SUMF1: variants seen among roughly 807,000 people sequenced by gnomAD.
SUMF1 encodes the protein formylglycine-generating enzyme.
A neutral mutation model predicts 47.6 loss-of-function variants in SUMF1; 48 were observed. That is an observed-to-expected ratio of 1.01 (90% CI 0.80 to 1.28). The LOEUF (loss-of-function observed/expected upper bound fraction) is 1.28, where lower values mean the gene tolerates loss of function less well. Ranked by LOEUF, SUMF1 falls within the 50% of genes most tolerant of loss-of-function variation. The pLI, the probability that SUMF1 is intolerant of heterozygous loss-of-function variation, is 0.00. For missense variants in SUMF1, 571 were observed against 485.4 expected (o/e 1.18, Z -1.66); for synonymous variants, 230 against 192.1 (o/e 1.20, Z -1.63).
intron 7 of SUMF1, among the ~76,000 whole-genome samples, chr3:4,378,103 A>G (rs1417394740): frequency 1.3e-5 from 2 of 152,216 alleles, no homozygotes; most frequent in Non-Finnish European, 2.9e-5. Flanking sequence ...ATCCATCATA[A>G]GTTGAAAATA....
intron 8 of SUMF1, among the ~76,000 whole-genome samples, chr3:4,325,150 T>A (rs894573335): frequency 3.3e-5 from 5 of 151,960 alleles, no homozygotes; most frequent in Admixed American, 2.0e-4. Context: ...CCATGACAAA[T>A]GGGAATTGTG....
intron 8 of SUMF1, among the ~76,000 whole-genome samples, chr3:4,304,650 CCATT>C (rs1201402928): frequency 6.6e-6 from 1 of 152,206 alleles, no homozygotes; most frequent in East Asian, 1.9e-4. Flanking sequence ...CCTTTAACAT[CCATT>C]ATCAACAATG....
At chr3:4,341,503 G>T (rs1451925177) in intron 8 of SUMF1, among the ~76,000 whole-genome samples, 1 of 151,878 alleles carries the variant, frequency 6.6e-6, no homozygotes, top group East Asian at 1.9e-4. Context: ...TGGACAAAGG[G>T]TTTTTTGTTT....
At chr3:4,271,801 G>C (rs310694) in intron 8 of SUMF1, among the ~76,000 whole-genome samples, 24 of 152,028 alleles carry the variant, frequency 1.6e-4, no homozygotes, top group African/African-American at 5.8e-4. Context: ...CCTGGTCTAT[G>C]CCATCAATTT....
At chr3:4,403,804 G>T (rs1701289827) in intron 7 of SUMF1, among the ~76,000 whole-genome samples, 1 of 152,150 alleles carries the variant, frequency 6.6e-6, no homozygotes, top group South Asian at 2.1e-4. Context: ...GCTGTCAGGG[G>T]TATCAAAGAA....
At chr3:4,358,041 G>C (rs961070618), downstream of SUMF1, among the ~76,000 whole-genome samples, 5 of 152,132 alleles carry the variant, frequency 3.3e-5, no homozygotes, top group African/African-American at 1.2e-4. Flanking sequence ...TATTGACACA[G>C]ATCTGTACTG....
At chr3:4,302,189 G>C (rs1697985172) in intron 8 of SUMF1, among the ~76,000 whole-genome samples, 1 of 152,216 alleles carries the variant, frequency 6.6e-6, no homozygotes, top group Admixed American at 6.5e-5. Flanking sequence ...GCCTCAGGCA[G>C]TCCTGATGAC....
chr3:4,302,864 C>A (rs565101124), intron 8 of SUMF1, among the ~76,000 whole-genome samples: 3 of 152,076 alleles, frequency 2.0e-5, no homozygotes, highest in Non-Finnish European at 4.4e-5. Flanking sequence ...CAAAGGGGCA[C>A]GGATACCTCC....
intron 8 of SUMF1, among the ~76,000 whole-genome samples, chr3:4,219,307 G>A (rs1696011006): frequency 6.6e-6 from 1 of 152,148 alleles, no homozygotes; most frequent in African/African-American, 2.4e-5. Context: ...AGGCAGAGGA[G>A]GTATTGCTGA....
intron 7 of SUMF1, among the ~76,000 whole-genome samples, chr3:4,393,949 CACA>C (rs1327776018): frequency 2.6e-5 from 4 of 152,028 alleles, no homozygotes; most frequent in Admixed American, 1.3e-4. Context: ...TAATTAGGAT[CACA>C]ACAAGAATGG....
At chr3:4,050,238 T>A (rs2125022553) in intron 9 of SUMF1, among the ~76,000 whole-genome samples, 1 of 151,804 alleles carries the variant, frequency 6.6e-6, no homozygotes, top group Non-Finnish European at 1.5e-5. Flanking sequence ...TTCTACCCAG[T>A]ATTTCCCTAT....
chr3:4,164,967 T>C (rs954591965), intron 8 of SUMF1, among the ~76,000 whole-genome samples: 2 of 152,128 alleles, frequency 1.3e-5, no homozygotes, highest in Admixed American at 1.3e-4. Flanking sequence ...TCATGGGCTT[T>C]TTCCTAATTC....
chr3:4,274,565 T>C (rs1257991501), intron 8 of SUMF1, among the ~76,000 whole-genome samples: 1 of 152,162 alleles, frequency 6.6e-6, no homozygotes, highest in Non-Finnish European at 1.5e-5. Context: ...AACAAGATAA[T>C]ACAAAAATAT....
At chr3:4,227,084 T>C (rs1185010504) in intron 8 of SUMF1, among the ~76,000 whole-genome samples, 1 of 152,138 alleles carries the variant, frequency 6.6e-6, no homozygotes, top group Non-Finnish European at 1.5e-5. Flanking sequence ...CCCTGCCCCA[T>C]TCTAGCCCTC....
intron 8 of SUMF1, among the ~76,000 whole-genome samples, chr3:4,267,369 T>C (rs1413985764): frequency 1.3e-5 from 2 of 152,182 alleles, no homozygotes; most frequent in East Asian, 1.9e-4. Flanking sequence ...CTCTATTTGG[T>C]TGGTAAAGTA....
At chr3:4,436,838 G>A (rs764631021) in intron 3 of SUMF1, among the ~76,000 whole-genome samples, 6 of 141,546 alleles carry the variant, frequency 4.2e-5, no homozygotes, top group Non-Finnish European at 7.6e-5. Flanking sequence ...AAATCAGCCA[G>A]AGCTGCATCA....
chr3:4,280,814 C>CGTGTGTGTGTGTGTGTGTGT (rs56919301), intron 8 of SUMF1, among the ~76,000 whole-genome samples: 2 of 138,034 alleles, frequency 1.4e-5, no homozygotes, highest in Admixed American at 7.4e-5. Context: ...TGGCATTCAC[C>CGTGTGTGTGTGTGTGTGTGT]GTGTGTGTGT....
chr3:4,131,608 T>C (rs58891954), intron 8 of SUMF1, among the ~76,000 whole-genome samples: 2 of 152,158 alleles, frequency 1.3e-5, no homozygotes, highest in Non-Finnish European at 2.9e-5. Flanking sequence ...TACATACTGA[T>C]TCATGGGCTG....
rs539873480 is a variant in SUMF1 at position 4,253,962 on chromosome 3, C to T, written c.1014+122368G>A. On this transcript the variant is annotated intron_variant and NMD_transcript_variant, in intron 8 of 12. Transcript: ENST00000448413. The stretch of plus-strand genomic sequence containing the variant: ...TCAAGTGGGTCCCTGACCCCTGACC[C>T]CCGAGCAGCCTAACTGGGAGGCACC... 5.6e-4 allele frequency among the ~76,000 whole-genome samples: 84 copies of T among 150,790 alleles called. No individual in the cohort carries two copies. In the Middle Eastern group the frequency reaches 0.01, roughly 18 times the overall value.
Sources: allele counts gnomAD v4.1 joint callset (sites outside exome capture counted in the v4.1 genomes callset), GRCh38; gene constraint gnomAD v4.1.1; transcripts MANE v1.5; gene names NCBI Gene and HGNC (gene_info 2026-07-23, HGNC 2026-07-21).